The following APOBEC1 variants were observed in gnomAD, a reference collection of about 807,000 sequenced individuals.
The protein encoded by APOBEC1 is C->U-editing enzyme APOBEC-1.
In APOBEC1, 22 loss-of-function variants were observed where a neutral mutation model predicts 26.3. The ratio of observed to expected loss-of-function variants is 0.84; its 90% CI spans 0.60 to 1.19. The LOEUF is 1.19. Ranked by LOEUF, APOBEC1 falls within the 50% of genes most tolerant of loss-of-function variation. APOBEC1 has a pLI of 0.00. For missense variants in APOBEC1, 253 were observed against 289.0 expected (o/e 0.88, Z 0.90); for synonymous variants, 77 against 95.3 (o/e 0.81, Z 1.12).
chr12:7,665,832 T>A (rs1302618732), intron 1 of APOBEC1, 25 bp downstream of exon 1: 1 of 1,586,558 alleles, frequency 6.3e-7, no homozygotes, highest in Non-Finnish European at 8.6e-7. Context: ...CAAGAATACT[T>A]GCCAAGCCCC....
In APOBEC1 at chr12:7,655,492, G is replaced by GCCGAGA. The variant is rs1459568780; in HGVS notation, c.17-861_17-860insTCTCGG. Among the ~76,000 whole-genome samples the GCCGAGA allele has an allele frequency of 2.3e-4, 35 of 151,764 alleles. No homozygotes were observed. In the East Asian group the frequency reaches 4.3e-3, roughly 19 times the overall value. Reference sequence around the variant, plus strand: ...ATCACGCCACTGCACTCTAGCCTGAGTGACAGAGCAAGACTCCTTAAAAAA... The same window carrying GCCGAGA: ...ATCACGCCACTGCACTCTAGCCTGAGCCGAGATGACAGAGCAAGACTCCTTAAAAAA... On this transcript the variant is annotated intron_variant, in intron 1 of 4. Transcript: ENST00000229304.
At position 7,660,677 on chromosome 12, in the gene APOBEC1, T is replaced by G. The variant is rs371624678; in HGVS notation, c.16+5180A>C. 4.3e-5 allele frequency among the ~76,000 whole-genome samples: 6 copies of G among 138,146 alleles called. No individual in the cohort carries two copies. The East Asian group carries it at 1.1e-3, about 25-fold the overall frequency. The allele number at this position is 138,146 out of a possible 152,430, so 90.6% of individuals were successfully genotyped here. A position where few individuals can be genotyped will look rare whatever the true frequency, so the allele number is the denominator to read the frequency against. On this transcript the variant is annotated intron_variant, in intron 1 of 4. Coordinates refer to ENST00000229304, the MANE Select transcript of APOBEC1 (RefSeq NM_001644.5). ...AAGAATGTGCCACTGCACTCCACCC[T>G]TGGTGACAGAATGAGATTCCATCTA...
Position 7,652,780 on chromosome 12 carries a change from T to C in APOBEC1, c.100A>G (p.Lys34Glu). Residue 34 changes from lysine (K) to glutamate (E), a missense_variant, in exon 3 of 5, where the codon AAA becomes GAA. Physicochemically the swap from Lys to Glu is moderately conservative, Grantham distance 56. Transcript: ENST00000229304. ...ATTTCGTAGAGCAGACAGGCCTCTT[T>C]ACGAAGTTCTCTGGGGTCATAGAAG... Reference protein sequence around the residue: ...DVFYDPRELRKEACLLYEIKW... With the variant: ...DVFYDPRELREEACLLYEIKW... 6.2e-7 allele frequency: 1 copy of C among 1,613,728 alleles called. No homozygotes were observed. Among genetic ancestry groups the C allele is most frequent in the Non-Finnish European group, 8.5e-7 (1 of 1,179,868 alleles).
At chr12:7,649,840 G>A in intron 4 of APOBEC1, 144 bp from the exon 5 acceptor site, 1 of 716,380 alleles carries the variant, frequency 1.4e-6, no homozygotes, top group Non-Finnish European at 2.2e-6. Flanking sequence ...GTCTGGTTCT[G>A]GACTCACTGC....
chr12:7,654,946 C>A (rs139398265), intron 1 of APOBEC1, among the ~76,000 whole-genome samples: 1 of 152,186 alleles, frequency 6.6e-6, no homozygotes, highest in South Asian at 2.1e-4. Flanking sequence ...CGGTGGCTCA[C>A]GCCTGTAATT....
chr12:7,652,817 C>G lies in APOBEC1; in HGVS notation c.63G>C (p.Trp21Cys), dbSNP rs199783827. 45 of 1,591,532 alleles carry G rather than the reference C, an allele frequency of 2.8e-5. No individual in the cohort carries two copies. Among genetic ancestry groups the G allele is most frequent in the Non-Finnish European group, 3.7e-5 (43 of 1,168,878 alleles). The change falls in exon 3 of 5, where the codon TGG (tryptophan) becomes TGC (cysteine). Residue 21 changes from tryptophan to cysteine, a missense_variant. Trp to Cys is a radical substitution (Grantham distance 215). Coordinates refer to ENST00000229304, the MANE Select transcript of APOBEC1 (RefSeq NM_001644.5). ...DPTLRRRIEP[W>C]EFDVFYDPRE... ...TGGGGTCATAGAAGACGTCAAACTC[C>G]CAGGGTTCGATTCTTCTCCTGAAAT...
intron 1 of APOBEC1, among the ~76,000 whole-genome samples, chr12:7,656,740 G>A (rs377653439): frequency 3.9e-5 from 6 of 152,176 alleles, no homozygotes; most frequent in Non-Finnish European, 5.9e-5. Context: ...GAAGACTCAC[G>A]TAACACAATG....
chr12:7,665,848 C>A lies in APOBEC1; in HGVS notation c.16+9G>T, dbSNP rs7294364. On this transcript the variant is annotated intron_variant, in intron 1 of 4. Transcript: ENST00000229304. Reference sequence around the variant, plus strand: ...AAGAATACTTGCCAAGCCCCCGGATCCATTTTACCTTTCTCAGAAGTCATG... The same window carrying A: ...AAGAATACTTGCCAAGCCCCCGGATACATTTTACCTTTCTCAGAAGTCATG... 0.18 allele frequency: 293,116 copies of A among 1,607,016 alleles called. 28,010 individuals are homozygous for A. Among genetic ancestry groups the A allele is most frequent in the African/African-American group, 0.28 (21,109 of 74,100 alleles).
chr12:7,669,038 C>A (rs1224316959), upstream of APOBEC1, among the ~76,000 whole-genome samples: 2 of 151,932 alleles, frequency 1.3e-5, no homozygotes, highest in South Asian at 2.1e-4. Context: ...GGCCAGCACC[C>A]CCCAATTCTG....
At chr12:7,661,953 A>C (rs1185003526) in intron 1 of APOBEC1, among the ~76,000 whole-genome samples, 1 of 152,204 alleles carries the variant, frequency 6.6e-6, no homozygotes, top group African/African-American at 2.4e-5. Context: ...CCTTAGTCAA[A>C]AGAGTCCCTG....
intron 1 of APOBEC1, among the ~76,000 whole-genome samples, chr12:7,660,412 G>GAAAGAAAGAAAGAA (rs201225005): frequency 1.4e-3 from 166 of 121,880 alleles, no homozygotes; most frequent in East Asian, 5.0e-3. Flanking sequence ...AAGAAAGAAA[G>GAAAGAAAGAAAGAA]AGAGGGTATT....
rs562848305 is a variant in APOBEC1, at chr12:7,655,753, C to T, written c.17-1121G>A. Among the ~76,000 whole-genome samples, 413 of 152,028 alleles carry T rather than the reference C, an allele frequency of 2.7e-3. 1 individual carries two copies. The highest frequency in any genetic ancestry group is 4.5e-3 in the Non-Finnish European group (307 of 67,976). On this transcript the variant is annotated intron_variant, in intron 1 of 4. Transcript: ENST00000229304. ...CCTATAATCCCAGCTTTTTGAGATGCCAAGGCAGAAGGATCTCTTGAAGCC... is the reference window on the plus strand; with the variant it reads ...CCTATAATCCCAGCTTTTTGAGATGTCAAGGCAGAAGGATCTCTTGAAGCC...
At chr12:7,663,857 A>ATTT (rs556111132) in intron 1 of APOBEC1, among the ~76,000 whole-genome samples, 1 of 147,964 alleles carries the variant, frequency 6.8e-6, no homozygotes, top group East Asian at 2.0e-4. Flanking sequence ...TTAAAAAAGA[A>ATTT]TTTTTTTTTT....
chr12:7,665,714 G>T, intron 1 of APOBEC1, 143 bp downstream of exon 1: 2 of 803,774 alleles, frequency 2.5e-6, no homozygotes, highest in South Asian at 1.5e-5. Flanking sequence ...TCAATAATAG[G>T]GAAGTTTGAA....
upstream of APOBEC1, among the ~76,000 whole-genome samples, chr12:7,668,765 A>G (rs1592065945): frequency 6.6e-6 from 1 of 151,912 alleles, no homozygotes; most frequent in Admixed American, 6.6e-5. Flanking sequence ...GTCTTCCTCT[A>G]TCGCCCAGGC....
chr12:7,649,471 A>T lies in APOBEC1; in HGVS notation c.*76T>A. The T allele has an allele frequency of 6.7e-7, 1 of 1,488,552 alleles. No homozygotes were observed. The highest frequency in any genetic ancestry group is 9.2e-7 in the Non-Finnish European group (1 of 1,086,876). 92.2% of individuals were successfully genotyped at this position (1,488,552 alleles called of 1,614,324 possible). ...TGGGGTACCTTGTGAACATTTCTAG[A>T]TTCTAAATGGCATTCACTCTTTAGT... On this transcript the variant is annotated 3_prime_UTR_variant, in exon 5 of 5. Transcript: ENST00000229304.
chr12:7,651,191 C>T (rs1592056254), intron 3 of APOBEC1, 50 bp from the exon 4 acceptor site: 1 of 1,333,302 alleles, frequency 7.5e-7, no homozygotes, highest in Non-Finnish European at 1.1e-6. Context: ...TGGTAAATTA[C>T]TTAAGAAGAT....
rs1432262948 is a variant in APOBEC1, at chr12:7,649,594, T to C, written c.664A>G (p.Ile222Val). 1 of 1,614,006 alleles carries C rather than the reference T, an allele frequency of 6.2e-7. No homozygotes were observed. The highest frequency in any genetic ancestry group is 1.3e-5 in the African/African-American group (1 of 74,912). The change falls in exon 5 of 5, where the codon ATC (isoleucine) becomes GTC (valine). Residue 222 changes from isoleucine to valine, a missense_variant. Physicochemically the swap from Ile to Val is conservative, Grantham distance 29. Transcript: ENST00000229304. Reference protein sequence around the residue: ...NCHYQTIPPHILLATGLIHPS... With the variant: ...NCHYQTIPPHVLLATGLIHPS... ...TGTATCAGCCCTGTAGCTAAAAGGA[T>C]GTGTGGCGGAATCGTTTGGTAATGG... is the stretch of plus-strand genomic sequence containing the variant.
intron 1 of APOBEC1, among the ~76,000 whole-genome samples, chr12:7,660,388 GAAA>G (rs1863796530): frequency 1.1e-5 from 1 of 92,558 alleles, no homozygotes; most frequent in Admixed American, 1.0e-4. Flanking sequence ...AAGAAAGAAA[GAAA>G]GAAAGAAAGA....
Sources: allele counts gnomAD v4.1 joint callset (sites outside exome capture counted in the v4.1 genomes callset), GRCh38; gene constraint gnomAD v4.1.1; transcripts MANE v1.5; gene names NCBI Gene and HGNC (gene_info 2026-07-23, HGNC 2026-07-21).